EPB41L3: variants seen among roughly 807,000 people sequenced by gnomAD.
EPB41L3 encodes band 4.1-like protein 3.
In EPB41L3, 57 loss-of-function variants were observed where a neutral mutation model predicts 127.1. That is an observed-to-expected ratio of 0.45 (90% CI 0.36 to 0.56). The LOEUF (loss-of-function observed/expected upper bound fraction) is 0.56. Ranked by LOEUF, EPB41L3 falls within the 20% of genes least tolerant of loss-of-function variation. The pLI, the probability that EPB41L3 is intolerant of heterozygous loss-of-function variation, is 0.00. For missense variants in EPB41L3, 1,273 were observed against 1,372.2 expected (o/e 0.93, Z 1.14); for synonymous variants, 572 against 549.5 (o/e 1.04, Z -0.57).
intron 1 of EPB41L3, among the ~76,000 whole-genome samples, chr18:5,529,930 G>GTGTA (rs942167387): frequency 2.6e-5 from 1 of 38,944 alleles, no homozygotes; most frequent in Non-Finnish European, 5.8e-5. Context: ...ACTCATATAT[G>GTGTA]TGTGTGTGTG....
chr18:5,406,996 A>G, intron 15 of EPB41L3, 28 bp from the exon 16 acceptor site: 1 of 1,591,896 alleles, frequency 6.3e-7, no homozygotes, highest in Admixed American at 1.7e-5. Context: ...AGTATCCAAC[A>G]GTCAATGTTT....
intron 1 of EPB41L3, among the ~76,000 whole-genome samples, chr18:5,525,225 G>A (rs1324239245): frequency 1.3e-5 from 2 of 152,078 alleles, no homozygotes; most frequent in Admixed American, 6.5e-5. Flanking sequence ...GCAGCCACCC[G>A]CTCTGAGCTG....
chr18:5,400,711 T>A, intron 16 of EPB41L3: 2 of 525,510 alleles, frequency 3.8e-6, no homozygotes, highest in Non-Finnish European at 6.9e-6. Context: ...AAGATTATTA[T>A]CAGAAAGTAA....
intron 1 of EPB41L3, among the ~76,000 whole-genome samples, chr18:5,525,079 C>T (rs1381334276): frequency 6.6e-6 from 1 of 152,180 alleles, no homozygotes; most frequent in Non-Finnish European, 1.5e-5. Flanking sequence ...TGCCATATTT[C>T]AATTTATTCA....
chr18:5,397,939 C>A lies in EPB41L3; in HGVS notation c.2472+82G>T. 1 of 1,568,594 alleles carries A rather than the reference C, an allele frequency of 6.4e-7. No individual in the cohort carries two copies. Among genetic ancestry groups the A allele is most frequent in the South Asian group, 1.1e-5 (1 of 87,462 alleles). The stretch of plus-strand genomic sequence containing the variant: ...TGAAGGCAAAGCCAGCTGGATGCAA[C>A]CACACACTCACGCCCAAAAAAAGGG... On this transcript the variant is annotated intron_variant, in intron 17 of 22. Coordinates refer to ENST00000341928, the MANE Select transcript of EPB41L3 (RefSeq NM_012307.5). This position sits in a 1 kb window ranked among gnomAD's most constrained non-coding sequence, Gnocchi z 4.1.
At chr18:5,472,996 T>G (rs1695253090) in intron 3 of EPB41L3, among the ~76,000 whole-genome samples, 2 of 152,268 alleles carry the variant, frequency 1.3e-5, no homozygotes, top group South Asian at 4.2e-4. Context: ...TACTTCAGAT[T>G]CCAGGCCTAT....
intron 3 of EPB41L3, among the ~76,000 whole-genome samples, chr18:5,561,410 C>T (rs1052600021): frequency 6.6e-6 from 1 of 151,870 alleles, no homozygotes; most frequent in Non-Finnish European, 1.5e-5. Context: ...TGAAAGAGCT[C>T]CTAATGGCCA....
rs1053199352 is a variant in EPB41L3, at chr18:5,397,026, T to C, written c.2841+32A>G. ...CAGGCATCCTATATCAGTTTTATTT[T>C]AGTGATAAAAGTAACATTTACTACT... On this transcript the variant is annotated intron_variant, in intron 18 of 22. Transcript: ENST00000341928. The surrounding 1 kb of genome is among the most constrained non-coding windows in gnomAD (Gnocchi z 4.1). 6.5e-6 allele frequency: 10 copies of C among 1,541,474 alleles called. No homozygotes were observed. The highest frequency in any genetic ancestry group is 8.7e-6 in the Non-Finnish European group (10 of 1,150,828).
chr18:5,415,780 A>G (rs112656869), intron 13 of EPB41L3, 38 bp downstream of exon 13: 1 of 1,584,732 alleles, frequency 6.3e-7, no homozygotes, highest in Non-Finnish European at 8.6e-7. Context: ...CAAGCACGGA[A>G]CACGAAGGGG....
chr18:5,447,046 T>C (rs1295720032), intron 3 of EPB41L3, among the ~76,000 whole-genome samples: 1 of 152,204 alleles, frequency 6.6e-6, no homozygotes, highest in African/African-American at 2.4e-5. Context: ...GAACAGAGGT[T>C]CAAAGCAGTT....
upstream of EPB41L3, among the ~76,000 whole-genome samples, chr18:5,545,369 G>A (rs1258310967): frequency 6.6e-6 from 1 of 152,142 alleles, no homozygotes; most frequent in Non-Finnish European, 1.5e-5. Context: ...AAAGATTAGT[G>A]GGCCTGATCT....
At chr18:5,421,582 A>G (rs1289320885) in intron 11 of EPB41L3, among the ~76,000 whole-genome samples, 2 of 152,212 alleles carry the variant, frequency 1.3e-5, no homozygotes, top group East Asian at 3.8e-4. Flanking sequence ...AAAGCCTGTA[A>G]GAATAATTAT....
intron 3 of EPB41L3, among the ~76,000 whole-genome samples, chr18:5,476,294 C>T (rs1354440521): frequency 6.6e-6 from 1 of 152,090 alleles, no homozygotes; most frequent in Non-Finnish European, 1.5e-5. Flanking sequence ...AAAAGTTGCT[C>T]TTAAGAATCT....
upstream of EPB41L3, among the ~76,000 whole-genome samples, chr18:5,548,144 C>G (rs545126652): frequency 2.0e-5 from 3 of 152,152 alleles, no homozygotes; most frequent in Non-Finnish European, 2.9e-5. Context: ...ATATCAAGTT[C>G]TTGAAATCAG....
intron 1 of EPB41L3, among the ~76,000 whole-genome samples, chr18:5,536,236 C>A (rs1283898755): frequency 6.6e-6 from 1 of 151,786 alleles, no homozygotes; most frequent in Admixed American, 6.6e-5. Flanking sequence ...TAATAATCAT[C>A]AGAGATTTTA....
chr18:5,600,413 T>C (rs2094578339), intron 3 of EPB41L3, among the ~76,000 whole-genome samples: 1 of 152,184 alleles, frequency 6.6e-6, no homozygotes, highest in Non-Finnish European at 1.5e-5. Flanking sequence ...AGAAGGAATG[T>C]CTGTATAAAT....
intron 3 of EPB41L3, among the ~76,000 whole-genome samples, chr18:5,596,317 C>G (rs1231856324): frequency 6.6e-6 from 1 of 152,178 alleles, no homozygotes; most frequent in African/African-American, 2.4e-5. Context: ...CTAACAAGTC[C>G]CAGGTAAGGC....
Position 5,607,989 on chromosome 18 carries a change from C to T in EPB41L3, c.-306+4351G>A, listed in dbSNP as rs139860725. On this transcript the variant is annotated intron_variant, in intron 3 of 21. Coordinates refer to the EPB41L3 transcript ENST00000545076. ...CAATGGATATGACTCCAGAATCAGA[C>T]TCCTGGATGAAAAACAGACCCCTTC... Among the ~76,000 whole-genome samples the T allele has an allele frequency of 6.6e-4, 100 of 152,288 alleles. No individual in the cohort carries two copies. The East Asian group carries it at 0.014, about 21-fold the overall frequency.
At chr18:5,563,990 T>C (rs768462664) in intron 3 of EPB41L3, among the ~76,000 whole-genome samples, 20 of 151,872 alleles carry the variant, frequency 1.3e-4, no homozygotes, top group Admixed American at 6.6e-5. Flanking sequence ...CAGGTAAAGG[T>C]TGAACAAGCG....
Sources: allele counts gnomAD v4.1 joint callset (sites outside exome capture counted in the v4.1 genomes callset), GRCh38; gene constraint gnomAD v4.1.1; non-coding constraint Gnocchi (gnomAD v3.1); transcripts MANE v1.5; gene names NCBI Gene and HGNC (gene_info 2026-07-23, HGNC 2026-07-21).